The following ADCY2 variants were observed in gnomAD, a reference collection of about 807,000 sequenced individuals.
The protein encoded by ADCY2 is adenylate cyclase 2, also known as adenylate cyclase type 2.
In ADCY2, 31 loss-of-function variants were observed where a neutral mutation model predicts 125.2. The ratio of observed to expected loss-of-function variants is 0.25; its 90% confidence interval spans 0.19 to 0.33. ADCY2 has a LOEUF of 0.33. Among genes scored for constraint, ADCY2 ranks in the 10% least tolerant of loss-of-function variants. ADCY2 has a pLI of 1.00. For missense variants in ADCY2, 904 were observed against 1,418.2 expected (o/e 0.64, Z 5.82); for synonymous variants, 512 against 548.4 (o/e 0.93, Z 0.93).
intron 3 of ADCY2, among the ~76,000 whole-genome samples, chr5:7,545,578 C>A (rs765428110): frequency 3.3e-5 from 5 of 152,116 alleles, no homozygotes; most frequent in Non-Finnish European, 5.9e-5. Context: ...TATCTGCCCC[C>A]GCCCCAAAGT....
intron 2 of ADCY2, among the ~76,000 whole-genome samples, chr5:7,423,527 A>G (rs886072720): frequency 6.6e-6 from 1 of 152,136 alleles, no homozygotes; most frequent in Non-Finnish European, 1.5e-5. Flanking sequence ...TCCCCTGCAC[A>G]CACTCTCTTG....
At chr5:7,526,939 C>T (rs1008224745) in intron 3 of ADCY2, among the ~76,000 whole-genome samples, 5 of 97,278 alleles carry the variant, frequency 5.1e-5, no homozygotes, top group Admixed American at 1.2e-4. Context: ...ATACATCTAG[C>T]GTAAAAACCA....
intron 3 of ADCY2, among the ~76,000 whole-genome samples, chr5:7,537,505 A>C (rs1188687612): frequency 6.6e-6 from 1 of 151,988 alleles, no homozygotes; most frequent in Non-Finnish European, 1.5e-5. Context: ...TCACCCCTCC[A>C]TCTTGTTAGG....
chr5:7,558,637 G>A (rs1051069160), intron 3 of ADCY2, among the ~76,000 whole-genome samples: 2 of 152,012 alleles, frequency 1.3e-5, no homozygotes, highest in African/African-American at 2.4e-5. Flanking sequence ...TCTATAGTTT[G>A]TTTTCTCCAT....
At chr5:7,532,717 C>T (rs62341512) in intron 3 of ADCY2, among the ~76,000 whole-genome samples, 2 of 151,936 alleles carry the variant, frequency 1.3e-5, no homozygotes, top group Non-Finnish European at 2.9e-5. Context: ...ACAAATCATT[C>T]GTGGACAAGA....
chr5:7,440,283 A>G (rs984288090), intron 2 of ADCY2, among the ~76,000 whole-genome samples: 2 of 152,216 alleles, frequency 1.3e-5, no homozygotes, highest in Admixed American at 6.5e-5. Flanking sequence ...ATTAAATTAT[A>G]TAGCAAAGGA....
Position 7,784,365 on chromosome 5 carries a change from A to G in ADCY2, c.2385A>G (p.Arg795=), listed in dbSNP as rs142191090. 77 of 1,612,316 alleles carry G rather than the reference A, an allele frequency of 4.8e-5. No homozygotes were observed. The highest frequency in any genetic ancestry group is 6.1e-5 in the Non-Finnish European group (72 of 1,178,688). ...LGDYSQVLFE[R]PGIWKDLKTM... ...TGTTTGTCTGTCTGTTTTTTAATAG[A>G]CCAGGCATTTGGAAAGACCTGAAGA... Residue 795 remains arginine, a splice_region_variant and synonymous_variant, in exon 19 of 25, where the codon AGA becomes AGG. Transcript: ENST00000338316.
At chr5:7,788,172 T>C (rs185535977) in intron 19 of ADCY2, among the ~76,000 whole-genome samples, 63 of 152,294 alleles carry the variant, frequency 4.1e-4, no homozygotes, top group Non-Finnish European at 6.8e-4. Flanking sequence ...CAAACTTTTA[T>C]TTTTGGGGTT....
chr5:7,463,922 A>C (rs2126443987), intron 2 of ADCY2, among the ~76,000 whole-genome samples: 1 of 152,300 alleles, frequency 6.6e-6, no homozygotes, highest in East Asian at 1.9e-4. Flanking sequence ...GACAGGTCCT[A>C]TGTTCTCCAT....
chr5:7,720,103 C>A (rs1463486760), intron 12 of ADCY2, among the ~76,000 whole-genome samples: 2 of 152,054 alleles, frequency 1.3e-5, no homozygotes, highest in African/African-American at 4.8e-5. Flanking sequence ...TGCCATAGAC[C>A]ACTGGGGTCA....
At chr5:7,671,379 A>G (rs1049931824) in intron 4 of ADCY2, among the ~76,000 whole-genome samples, 6 of 152,206 alleles carry the variant, frequency 3.9e-5, no homozygotes, top group African/African-American at 7.2e-5. Context: ...CAGTAAAAAA[A>G]CAAACATATT....
chr5:7,470,531 C>T lies in ADCY2; in HGVS notation c.409-50207C>T, dbSNP rs143310977. Among the ~76,000 whole-genome samples, 1,426 of 147,526 alleles carry T rather than the reference C, an allele frequency of 9.7e-3. 10 individuals carry two copies. The highest frequency in any genetic ancestry group is 0.028 in the African/African-American group (1,122 of 40,656). ...AATTATAATTATATGAAACTATATA[C>T]ATATATTACAATTAATATATGTATA... On this transcript the variant is annotated intron_variant, in intron 2 of 24. Transcript: ENST00000338316.
chr5:7,755,775 A>G (rs1742973800), intron 15 of ADCY2, among the ~76,000 whole-genome samples: 1 of 152,222 alleles, frequency 6.6e-6, no homozygotes, highest in African/African-American at 2.4e-5. Flanking sequence ...TTAGACGATC[A>G]TTCAACTGTT....
Position 7,414,623 on chromosome 5 carries a change from G to A in ADCY2, c.261G>A (p.Ala87=), listed in dbSNP as rs1471896665. 6.2e-7 allele frequency: 1 copy of A among 1,613,378 alleles called. No homozygotes were observed. The highest frequency in any genetic ancestry group is 8.5e-7 in the Non-Finnish European group (1 of 1,179,784). ...AFLITVPTAL[A]IFFAIFILVC... ...TAATAACAGTTCCAACTGCCCTGGC[G>A]ATTTTCTTTGCGATATTTATCCTGG... is the stretch of plus-strand genomic sequence containing the variant. Residue 87 remains alanine, a synonymous_variant, in exon 2 of 25, where the codon GCG becomes GCA. Coordinates refer to ENST00000338316, the MANE Select transcript of ADCY2 (RefSeq NM_020546.3).
chr5:7,743,635 C>T (rs750601923), intron 14 of ADCY2, 33 bp from the exon 15 acceptor site: 15 of 1,597,850 alleles, frequency 9.4e-6, no homozygotes, highest in Non-Finnish European at 1.3e-5. Flanking sequence ...AAACGATCTC[C>T]ACCCTGACTT....
chr5:7,410,755 G>C (rs1336112165), intron 1 of ADCY2, among the ~76,000 whole-genome samples: 1 of 152,094 alleles, frequency 6.6e-6, no homozygotes, highest in East Asian at 1.9e-4. Flanking sequence ...ACAAAGGGAG[G>C]AGGGGTGAGG....
intron 2 of ADCY2, among the ~76,000 whole-genome samples, chr5:7,437,605 G>A (rs57114543): frequency 0.051 from 7,747 of 152,298 alleles, 668 homozygotes; most frequent in African/African-American, 0.18. Context: ...GCACAGTGCC[G>A]GGCACGGCGT....
Position 7,414,600 on chromosome 5 carries a change from A to G in ADCY2, c.238A>G (p.Ile80Val), listed in dbSNP as rs539786117. The G allele has an allele frequency of 5.0e-6, 8 of 1,612,902 alleles. No homozygotes were observed. Among genetic ancestry groups the G allele is most frequent in the Non-Finnish European group, 6.8e-6 (8 of 1,179,696 alleles). Residue 80 changes from isoleucine (I) to valine (V), a missense_variant, in exon 2 of 25, where the codon ATA (isoleucine) becomes GTA (valine). By Grantham distance (29) the Ile-to-Val change is conservative (BLOSUM62 3). Around this residue, in one of 7 missense-constraint regions of ADCY2, gnomAD observed 121 missense variants for 161.5 expected, o/e 0.75. Coordinates refer to ENST00000338316, the MANE Select transcript of ADCY2 (RefSeq NM_020546.3). ...AGTTGAAGACCATGTGGCGTTTCTA[A>G]TAACAGTTCCAACTGCCCTGGCGAT... is the stretch of plus-strand genomic sequence containing the variant. ...LEVEDHVAFL[I>V]TVPTALAIFF...
intron 1 of ADCY2, among the ~76,000 whole-genome samples, chr5:7,401,367 A>T (rs1019558212): frequency 3.3e-5 from 5 of 152,224 alleles, no homozygotes; most frequent in Non-Finnish European, 4.4e-5. Context: ...CTACGCTGTC[A>T]CAGGGTCACA....
Sources: allele counts gnomAD v4.1 joint callset (sites outside exome capture counted in the v4.1 genomes callset), GRCh38; gene constraint gnomAD v4.1.1; regional missense constraint gnomAD v4.1.1; transcripts MANE v1.5; gene names NCBI Gene and HGNC (gene_info 2026-07-23, HGNC 2026-07-21).